Variants in GFRA1 observed in about 807,000 individuals in gnomAD.
GFRA1 encodes GDNF family receptor alpha-1.
In GFRA1, 16 loss-of-function variants were observed where a neutral mutation model predicts 51.6. The ratio of observed to expected loss-of-function variants is 0.31; its 90% CI spans 0.21 to 0.47. The LOEUF (loss-of-function observed/expected upper bound fraction) is 0.47, where lower values mean the gene tolerates loss of function less well. Among genes scored for constraint, GFRA1 ranks in the 20% least tolerant of loss-of-function variants. The pLI is 1.00. For missense variants in GFRA1, 530 were observed against 594.3 expected, an observed-to-expected ratio of 0.89 and a Z score of 1.13; for synonymous variants, 270 against 241.3, an observed-to-expected ratio of 1.12 and a Z score of -1.10.
At chr10:116,170,159 T>C (rs1960889175) in intron 5 of GFRA1, among the ~76,000 whole-genome samples, 2 of 152,166 alleles carry the variant, frequency 1.3e-5, no homozygotes, top group African/African-American at 2.4e-5. Flanking sequence ...ATGAGCAACA[T>C]GGAAGTATAG....
intron 9 of GFRA1, among the ~76,000 whole-genome samples, chr10:116,076,893 T>G (rs1254420512): frequency 9.9e-5 from 15 of 152,200 alleles, no homozygotes; most frequent in Admixed American, 3.3e-4. Flanking sequence ...TGAACCATAA[T>G]TCCAATGACA....
In GFRA1 at chr10:116,127,272, C is replaced by T. The variant is rs145412059; in HGVS notation, c.434-1715G>A. On this transcript the variant is annotated intron_variant, in intron 5 of 10. Transcript: ENST00000355422. The stretch of plus-strand genomic sequence containing the variant: ...GATTGCATGCAAAATGTTCTTGCTA[C>T]GATTAAAAATATTGTACATAAATAG... Among the ~76,000 whole-genome samples, 41 of 152,162 alleles carry T rather than the reference C, an allele frequency of 2.7e-4. 1 individual carries two copies. The East Asian group carries it at 6.2e-3, about 23-fold the overall frequency.
intron 9 of GFRA1, among the ~76,000 whole-genome samples, chr10:116,070,309 C>T (rs1466241309): frequency 6.6e-6 from 1 of 152,218 alleles, no homozygotes; most frequent in Non-Finnish European, 1.5e-5. Flanking sequence ...AAGTACCTAG[C>T]TGCATCTATC....
At chr10:116,190,596 C>T (rs1360421511) in intron 5 of GFRA1, among the ~76,000 whole-genome samples, 1 of 152,218 alleles carries the variant, frequency 6.6e-6, no homozygotes, top group Non-Finnish European at 1.5e-5. Flanking sequence ...AGGACATTTG[C>T]TTCCTTCAAG....
intron 4 of GFRA1, among the ~76,000 whole-genome samples, chr10:116,250,108 G>A (rs1210780707): frequency 1.3e-5 from 2 of 152,208 alleles, no homozygotes; most frequent in African/African-American, 4.8e-5. Context: ...TGCTAGGGAG[G>A]AGAAAGGCAG....
chr10:116,233,803 T>C (rs543571357), intron 4 of GFRA1, among the ~76,000 whole-genome samples: 46 of 152,320 alleles, frequency 3.0e-4, no homozygotes, highest in Non-Finnish European at 5.9e-4. Flanking sequence ...ACACACTTGA[T>C]GTTTCCCCCC....
At chr10:116,270,673 G>A (rs573536617) in intron 3 of GFRA1, 149 bp downstream of exon 3, 54 of 660,964 alleles carry the variant, frequency 8.2e-5, no homozygotes, top group African/African-American at 7.0e-4. Context: ...GCAAACACCA[G>A]CTGCCGTTGT....
At chr10:116,136,098 A>C (rs555519963) in intron 5 of GFRA1, among the ~76,000 whole-genome samples, 1 of 152,334 alleles carries the variant, frequency 6.6e-6, no homozygotes, top group South Asian at 2.1e-4. Context: ...TCTGGACCAG[A>C]AAAAATATCT....
At chr10:116,267,204 C>G (rs1478885924) in intron 4 of GFRA1, among the ~76,000 whole-genome samples, 1 of 152,096 alleles carries the variant, frequency 6.6e-6, no homozygotes, top group African/African-American at 2.4e-5. Context: ...GTGGCTCACA[C>G]CTGTAATCCC....
chr10:116,260,808 A>G (rs1969244276), intron 4 of GFRA1, among the ~76,000 whole-genome samples: 1 of 151,420 alleles, frequency 6.6e-6, no homozygotes, highest in South Asian at 2.1e-4. Context: ...TCTTATGCAA[A>G]TTACTCATTC....
chr10:116,069,919 C>T (rs970338868), intron 9 of GFRA1, among the ~76,000 whole-genome samples: 4 of 152,168 alleles, frequency 2.6e-5, no homozygotes, highest in African/African-American at 4.8e-5. Flanking sequence ...TAAAAGTGCA[C>T]TCGCCCGGAG....
Position 116,241,250 on chromosome 10 carries a change from G to A in GFRA1, c.418+28253C>T, listed in dbSNP as rs573707712. Among the ~76,000 whole-genome samples, 93 of 152,258 alleles carry A rather than the reference G, an allele frequency of 6.1e-4. 3 individuals are homozygous for A. In the South Asian group the frequency reaches 0.018, roughly 29 times the overall value. On this transcript the variant is annotated intron_variant, in intron 4 of 10. Coordinates refer to ENST00000355422, the MANE Select transcript of GFRA1 (RefSeq NM_005264.8). ...AGAAAACCAATTCACACATGTCCAA[G>A]AACCTGTCACCAAGAGGTTCATGGT...
At chr10:116,105,806 A>G (rs998899878) in intron 6 of GFRA1, among the ~76,000 whole-genome samples, 13 of 152,200 alleles carry the variant, frequency 8.5e-5, no homozygotes, top group Non-Finnish European at 1.6e-4. Flanking sequence ...TAAAAACAAG[A>G]TAGATGCTCA....
chr10:116,096,632 A>G (rs762297836), intron 7 of GFRA1, 23 bp downstream of exon 7: 8 of 1,312,612 alleles, frequency 6.1e-6, no homozygotes, highest in Admixed American at 3.4e-5. Context: ...CTCTTCTCCC[A>G]TCCTGCTTCT....
intron 4 of GFRA1, among the ~76,000 whole-genome samples, chr10:116,216,158 TTAA>T (rs1419077360): frequency 6.6e-6 from 1 of 152,196 alleles, no homozygotes; most frequent in African/African-American, 2.4e-5. Context: ...TTTATTATTA[TTAA>T]TAAGTTATGG....
chr10:116,187,560 A>C (rs1381961244), intron 5 of GFRA1, among the ~76,000 whole-genome samples: 1 of 152,218 alleles, frequency 6.6e-6, no homozygotes, highest in African/African-American at 2.4e-5. Flanking sequence ...CCGATAATCC[A>C]ATGAAGGAAC....
chr10:116,116,769 A>G (rs1475547379), intron 6 of GFRA1, among the ~76,000 whole-genome samples: 1 of 152,224 alleles, frequency 6.6e-6, no homozygotes, highest in Non-Finnish European at 1.5e-5. Flanking sequence ...GAAATTTGAT[A>G]AAGAACTTAA....
At chr10:116,241,221 G>A (rs964887255) in intron 4 of GFRA1, among the ~76,000 whole-genome samples, 2 of 152,148 alleles carry the variant, frequency 1.3e-5, no homozygotes, top group Non-Finnish European at 2.9e-5. Flanking sequence ...CCAACAACAT[G>A]GGGAGAAAAC....
chr10:116,234,482 G>A (rs929560915), intron 4 of GFRA1, among the ~76,000 whole-genome samples: 1 of 152,150 alleles, frequency 6.6e-6, no homozygotes, highest in Admixed American at 6.5e-5. Flanking sequence ...ACTCAAAGAA[G>A]GTCCATTCAT....
Sources: gnomAD v4.1 joint callset for allele counts (sites outside exome capture counted in the v4.1 genomes callset) on GRCh38, gnomAD v4.1.1 for gene constraint, MANE v1.5 for transcripts, NCBI Gene and HGNC (gene_info 2026-07-23, HGNC 2026-07-21) for gene names.